ARHGEF33: variants seen among roughly 807,000 people sequenced by gnomAD.
ARHGEF33 encodes DH and coiled-coil domain-containing protein ENSP00000381780.
A neutral mutation model predicts 101.9 loss-of-function variants in ARHGEF33; 72 were observed. The observed-to-expected ratio is 0.71, with a 90% CI of 0.58 to 0.86. The LOEUF (loss-of-function observed/expected upper bound fraction) is 0.86, where lower values mean the gene tolerates loss of function less well. Ranked by LOEUF, ARHGEF33 falls within the 40% of genes least tolerant of loss-of-function variation. The pLI, the probability that ARHGEF33 is intolerant of heterozygous loss-of-function variation, is 0.00. For missense variants in ARHGEF33, 1,169 were observed against 1,111.3 expected, an observed-to-expected ratio of 1.05 and a Z score of -0.74; for synonymous variants, 499 against 442.5, an observed-to-expected ratio of 1.13 and a Z score of -1.60.
chr2:38,957,124 T>C (rs1572775481), intron 14 of ARHGEF33, 77 bp downstream of exon 14: 9 of 1,494,920 alleles, frequency 6.0e-6, no homozygotes, highest in African/African-American at 5.6e-5. Flanking sequence ...CCACGTTGTG[T>C]GTTAAGTACC....
Position 38,960,475 on chromosome 2 carries a change from C to T in ARHGEF33, c.2170C>T (p.Arg724Cys). The T allele has an allele frequency of 1.4e-6, 2 of 1,478,674 alleles. No individual in the cohort carries two copies. The highest frequency in any genetic ancestry group is 1.8e-6 in the Non-Finnish European group (2 of 1,121,006). 91.6% of individuals were successfully genotyped at this position (1,478,674 alleles called of 1,614,324 possible). ...RAPPADGVAP[R>C]LYSTRSSSGG... Reference sequence around the variant, plus strand: ...GCCGCCAGCCGACGGCGTGGCCCCACGCCTCTACAGCACGCGCAGCAGCAG... The same window carrying T: ...GCCGCCAGCCGACGGCGTGGCCCCATGCCTCTACAGCACGCGCAGCAGCAG... The change falls in exon 16 of 18, where the codon CGC (arginine) becomes TGC (cysteine). Residue 724 changes from arginine (R) to cysteine (C), a missense_variant. Coordinates refer to ENST00000409978, the MANE Select transcript of ARHGEF33 (RefSeq NM_001145451.5).
chr2:38,901,282 G>T (rs1171964788), intron 2 of ARHGEF33, among the ~76,000 whole-genome samples: 6 of 152,112 alleles, frequency 3.9e-5, no homozygotes, highest in Admixed American at 6.5e-5. Context: ...ACATTTCTGG[G>T]GATGTTTTAG....
At chr2:38,926,194 A>G (rs1666865045) in intron 4 of ARHGEF33, among the ~76,000 whole-genome samples, 1 of 152,212 alleles carries the variant, frequency 6.6e-6, no homozygotes, top group African/African-American at 2.4e-5. Flanking sequence ...TGGAGGGATC[A>G]TAACCTCTCT....
In ARHGEF33 at chr2:38,951,020, C is replaced by T; in HGVS notation, c.952C>T (p.Gln318Ter). 6.4e-7 allele frequency: 1 copy of T among 1,552,216 alleles called. No homozygotes were observed. Among genetic ancestry groups the T allele is most frequent in the Non-Finnish European group, 8.7e-7 (1 of 1,147,090 alleles). The change falls in exon 11 of 18, where the codon CAG becomes TAG. Residue 318 changes from glutamine (Q) to a stop codon, truncating the protein, a stop_gained. Coordinates refer to ENST00000409978, the MANE Select transcript of ARHGEF33 (RefSeq NM_001145451.5). LOFTEE classifies it high-confidence loss of function. The part of the protein sequence containing the change: ...LFPGSLRYLV[Q>*]QHLDLLHALQ... ...CCCTGGCTCTTTACGGTACCTCGTC[C>T]AGCAGCACCTGGATCTGCTTCACGC...
chr2:38,912,058 A>G (rs1031771466), intron 2 of ARHGEF33, among the ~76,000 whole-genome samples: 1 of 152,184 alleles, frequency 6.6e-6, no homozygotes, highest in African/African-American at 2.4e-5. Flanking sequence ...ATATAAACTG[A>G]AAACCATGGC....
At chr2:38,925,332 G>T (rs1666847222) in intron 4 of ARHGEF33, among the ~76,000 whole-genome samples, 1 of 152,154 alleles carries the variant, frequency 6.6e-6, no homozygotes, top group African/African-American at 2.4e-5. Flanking sequence ...TACAGTAATA[G>T]GTTTCATCGT....
At chr2:38,892,840 A>G (rs1044504531) in intron 1 of ARHGEF33, among the ~76,000 whole-genome samples, 1 of 152,146 alleles carries the variant, frequency 6.6e-6, no homozygotes, top group Non-Finnish European at 1.5e-5. Flanking sequence ...TCTAAGAGTC[A>G]CTTCCCTAAT....
At chr2:38,969,270 A>C (rs1668118097) in intron 17 of ARHGEF33, 2 of 165,284 alleles carry the variant, frequency 1.2e-5, no homozygotes, top group African/African-American at 4.8e-5. Context: ...ACCATTGCAG[A>C]GCCTGGCCTC....
At chr2:38,953,027 A>G (rs945966922) in intron 11 of ARHGEF33, 135 bp from the exon 12 acceptor site, 10 of 601,886 alleles carry the variant, frequency 1.7e-5, no homozygotes, top group African/African-American at 1.5e-4. Flanking sequence ...GCCTCAAAAT[A>G]TATAAAATGA....
At chr2:38,964,441 C>A (rs575718475) in intron 16 of ARHGEF33, among the ~76,000 whole-genome samples, 4 of 151,782 alleles carry the variant, frequency 2.6e-5, no homozygotes, top group African/African-American at 9.7e-5. Flanking sequence ...GGTCTCTGTG[C>A]AGTCTAACCT....
chr2:38,906,393 C>A (rs768163968), intron 2 of ARHGEF33, among the ~76,000 whole-genome samples: 2 of 151,992 alleles, frequency 1.3e-5, no homozygotes, highest in Non-Finnish European at 2.9e-5. Context: ...CAAAAAATAG[C>A]TTCTTAGCAA....
intron 2 of ARHGEF33, among the ~76,000 whole-genome samples, chr2:38,914,177 T>C (rs1666577236): frequency 1.3e-5 from 2 of 152,194 alleles, no homozygotes; most frequent in Non-Finnish European, 2.9e-5. Context: ...GTTATAGCCT[T>C]TTTGGAAAGC....
chr2:38,956,859 G>A, intron 13 of ARHGEF33, 40 bp from the exon 14 acceptor site: 1 of 1,544,066 alleles, frequency 6.5e-7, no homozygotes. Context: ...AAATTTTCAT[G>A]CTGATTATGC....
In ARHGEF33 at chr2:38,934,959, G is replaced by A. The variant is rs148898876; in HGVS notation, c.506-816G>A. On this transcript the variant is annotated intron_variant, in intron 7 of 17. Coordinates refer to ENST00000409978, the MANE Select transcript of ARHGEF33 (RefSeq NM_001145451.5). Reference sequence around the variant, plus strand: ...ACGGAGCAGCCAGTGTCAGGGTCCCGTGAGAATATGACTGACGTGTTCAAG... The same window carrying A: ...ACGGAGCAGCCAGTGTCAGGGTCCCATGAGAATATGACTGACGTGTTCAAG... 1.9e-3 allele frequency among the ~76,000 whole-genome samples: 295 copies of A among 151,744 alleles called. 1 individual carries two copies. Among genetic ancestry groups the A allele is most frequent in the Non-Finnish European group, 2.2e-3 (149 of 67,936 alleles).
At chr2:38,929,953 C>A in intron 6 of ARHGEF33, 123 bp downstream of exon 6, 2 of 768,952 alleles carry the variant, frequency 2.6e-6, no homozygotes, top group Non-Finnish European at 4.0e-6. Context: ...CACAGCTTGG[C>A]ATGCGATGGA....
chr2:38,911,799 C>A (rs1191681496), intron 2 of ARHGEF33, among the ~76,000 whole-genome samples: 1 of 152,050 alleles, frequency 6.6e-6, no homozygotes, highest in East Asian at 1.9e-4. Flanking sequence ...TTGCTTGAGC[C>A]CAGGAGGTTG....
intron 17 of ARHGEF33, among the ~76,000 whole-genome samples, chr2:38,966,358 TTCTG>T (rs1668052093): frequency 1.3e-5 from 2 of 152,322 alleles, no homozygotes; most frequent in South Asian, 2.1e-4. Context: ...GCCCTGCCTC[TTCTG>T]TCTTTTATCC....
intron 17 of ARHGEF33, chr2:38,971,793 G>A (rs1226606908): frequency 4.2e-6 from 3 of 717,844 alleles, no homozygotes; most frequent in African/African-American, 1.7e-5. Flanking sequence ...CAATTTGTGA[G>A]AAGAGCAGTT....
Position 38,934,222 on chromosome 2 carries a change from T to A in ARHGEF33, c.506-1553T>A, listed in dbSNP as rs77781124. Among the ~76,000 whole-genome samples, 965 of 152,332 alleles carry A rather than the reference T, an allele frequency of 6.3e-3. 15 individuals carry two copies. The highest frequency in any genetic ancestry group is 0.022 in the African/African-American group (917 of 41,560). The stretch of plus-strand genomic sequence containing the variant: ...AACATTCTCTTCTTTTGGCTGACAC[T>A]GTGCTTCTTTGATTTTACACCTACT... On this transcript the variant is annotated intron_variant, in intron 7 of 17. Coordinates refer to ENST00000409978, the MANE Select transcript of ARHGEF33 (RefSeq NM_001145451.5).
Sources: gnomAD v4.1 joint callset for allele counts (sites outside exome capture counted in the v4.1 genomes callset) on GRCh38, gnomAD v4.1.1 for gene constraint, MANE v1.5 for transcripts, NCBI Gene and HGNC (gene_info 2026-07-23, HGNC 2026-07-21) for gene names.